MALRD1: variants seen among roughly 807,000 people sequenced by gnomAD.
The protein encoded by MALRD1 is MAM and LDL receptor class A domain containing 1.
A neutral mutation model predicts 242.1 loss-of-function variants in MALRD1; 247 were observed. The observed-to-expected ratio is 1.02, with a 90% CI of 0.92 to 1.13. The LOEUF is 1.13. Ranked by LOEUF, MALRD1 falls within the 50% of genes most tolerant of loss-of-function variation. The pLI, the probability that MALRD1 is intolerant of heterozygous loss-of-function variation, is 0.00. For synonymous variants in MALRD1, 995 were observed against 866.6 expected (o/e 1.15, Z -2.60); for missense variants, 2,989 against 2,533.1 (o/e 1.18, Z -3.86).
At chr10:19,354,570 A>G (rs1588956631) in intron 26 of MALRD1, among the ~76,000 whole-genome samples, 1 of 151,722 alleles carries the variant, frequency 6.6e-6, no homozygotes, top group Non-Finnish European at 1.5e-5. Context: ...TCTACTCTCT[A>G]CCTTTGTGGG....
intron 26 of MALRD1, among the ~76,000 whole-genome samples, chr10:19,370,614 G>T (rs1845331189): frequency 6.6e-6 from 1 of 152,044 alleles, no homozygotes; most frequent in Non-Finnish European, 1.5e-5. Context: ...CACTGGCTCT[G>T]TTGCCCAGGG....
At chr10:19,702,344 T>G (rs1048560901) in intron 38 of MALRD1, among the ~76,000 whole-genome samples, 5 of 152,206 alleles carry the variant, frequency 3.3e-5, no homozygotes, top group African/African-American at 1.2e-4. Context: ...ATTCATGCCC[T>G]CTGCCTGGCA....
At chr10:19,545,778 C>T (rs1033424387) in intron 32 of MALRD1, among the ~76,000 whole-genome samples, 17 of 152,314 alleles carry the variant, frequency 1.1e-4, no homozygotes, top group African/African-American at 3.8e-4. Context: ...TCCCCACCAA[C>T]CCCTCACGTA....
At chr10:19,110,103 ACT>A (rs1043606630) in intron 5 of MALRD1, among the ~76,000 whole-genome samples, 19 of 151,970 alleles carry the variant, frequency 1.3e-4, no homozygotes, top group African/African-American at 4.6e-4. Context: ...CCCCTGCAAC[ACT>A]CTGGTGCTTT....
chr10:19,167,366 C>CA (rs1834737176), intron 13 of MALRD1, among the ~76,000 whole-genome samples: 1 of 151,820 alleles, frequency 6.6e-6, no homozygotes, highest in South Asian at 2.1e-4. Flanking sequence ...CTTAAAAAAA[C>CA]AAAAACAAAA....
intron 38 of MALRD1, among the ~76,000 whole-genome samples, chr10:19,697,338 T>C (rs1353185247): frequency 2.0e-5 from 3 of 152,060 alleles, no homozygotes; most frequent in African/African-American, 4.8e-5. Flanking sequence ...ATCTCAGTCT[T>C]GAGGCAGAAC....
chr10:19,217,532 CTTTTTTT>C (rs34267262), intron 18 of MALRD1, among the ~76,000 whole-genome samples: 9 of 116,384 alleles, frequency 7.7e-5, no homozygotes, highest in Admixed American at 1.8e-4. Flanking sequence ...ATCATGCAGT[CTTTTTTT>C]TTTTTTTTTT....
intron 29 of MALRD1, among the ~76,000 whole-genome samples, chr10:19,466,941 A>C (rs1054135890): frequency 6.6e-6 from 1 of 152,016 alleles, no homozygotes; most frequent in Non-Finnish European, 1.5e-5. Context: ...AGCATTACCA[A>C]TTTTGGATTT....
chr10:19,345,768 T>A (rs1844090914), intron 24 of MALRD1, among the ~76,000 whole-genome samples: 2 of 151,750 alleles, frequency 1.3e-5, no homozygotes, highest in Non-Finnish European at 1.5e-5. Context: ...TAATCTTTTT[T>A]TTTTTAGTTC....
intron 18 of MALRD1, among the ~76,000 whole-genome samples, chr10:19,214,142 T>C (rs1259735853): frequency 6.6e-6 from 1 of 152,192 alleles, no homozygotes; most frequent in Non-Finnish European, 1.5e-5. Flanking sequence ...TCTCTTTCTG[T>C]GCAGCTCCTT....
In MALRD1 at chr10:19,160,034, T is replaced by C. The variant is rs528710926; in HGVS notation, c.1656+4862T>C. On this transcript the variant is annotated intron_variant, in intron 12 of 39. Coordinates refer to ENST00000454679, the MANE Select transcript of MALRD1 (RefSeq NM_001142308.3). ...TTTAACCACATGAAATTCTCTTGAA[T>C]GCAGTGATTCAAAGTCATGAATAGT... 2.6e-5 allele frequency among the ~76,000 whole-genome samples: 4 copies of C among 152,326 alleles called. No homozygotes were observed. In the South Asian group the frequency reaches 8.3e-4, roughly 32 times the overall value.
At chr10:19,216,359 G>T (rs1277570401) in intron 18 of MALRD1, among the ~76,000 whole-genome samples, 2 of 151,518 alleles carry the variant, frequency 1.3e-5, no homozygotes, top group African/African-American at 4.8e-5. Context: ...CTTGTGATCT[G>T]CCTGACTCGG....
At chr10:19,057,854 G>C (rs1834713163) in intron 1 of MALRD1, among the ~76,000 whole-genome samples, 1 of 152,110 alleles carries the variant, frequency 6.6e-6, no homozygotes, top group Non-Finnish European at 1.5e-5. Context: ...TTCATTATTA[G>C]GTATGATAGT....
rs1554793516 is a variant in MALRD1 at position 19,530,439 on chromosome 10, A to ATAAATAT, written c.5321-753_5321-752insAATATTA. Among the ~76,000 whole-genome samples the ATAAATAT allele has an allele frequency of 8.8e-5, 8 of 90,672 alleles. No homozygotes were observed. The East Asian group carries it at 1.1e-3, about 12-fold the overall frequency. The allele number at this position is 90,672 out of a possible 152,430, so 59.5% of individuals were successfully genotyped here. On this transcript the variant is annotated intron_variant, in intron 31 of 39. Transcript: ENST00000454679. ...TAATAATAAATATATAATATATATAATATATAATATATAATATATAATAAT... is the reference window on the plus strand; with the variant it reads ...TAATAATAAATATATAATATATATAATAAATATTATATAATATATAATATATAATAAT...
At chr10:19,060,365 A>G (rs1029461094) in intron 1 of MALRD1, among the ~76,000 whole-genome samples, 16 of 152,204 alleles carry the variant, frequency 1.1e-4, no homozygotes, top group African/African-American at 3.9e-4. Context: ...ATGCTGGCCT[A>G]GAAGTTGCTT....
chr10:19,539,897 T>TGTGTGTGTGTGTGC (rs1365113182), intron 32 of MALRD1, among the ~76,000 whole-genome samples: 12 of 44,426 alleles, frequency 2.7e-4, no homozygotes, highest in African/African-American at 7.4e-4. Context: ...TGTGTGTGTG[T>TGTGTGTGTGTGTGC]GCGCGCGCGC....
chr10:19,618,157 A>G (rs1460708738), intron 36 of MALRD1, among the ~76,000 whole-genome samples: 2 of 152,000 alleles, frequency 1.3e-5, no homozygotes, highest in African/African-American at 4.8e-5. Flanking sequence ...AAAGGACATG[A>G]ATCTAATTCT....
At chr10:19,415,110 A>C (rs1029318029) in intron 28 of MALRD1, among the ~76,000 whole-genome samples, 5 of 152,230 alleles carry the variant, frequency 3.3e-5, no homozygotes, top group African/African-American at 1.2e-4. Flanking sequence ...TATAGAAAAC[A>C]TCTTTTTTGT....
chr10:19,279,023 C>G (rs1345021274), intron 19 of MALRD1, among the ~76,000 whole-genome samples: 1 of 152,152 alleles, frequency 6.6e-6, no homozygotes, highest in Non-Finnish European at 1.5e-5. Context: ...CTGCACTCAC[C>G]AGACAATGGA....
Sources: allele counts gnomAD v4.1 joint callset (sites outside exome capture counted in the v4.1 genomes callset), GRCh38; gene constraint gnomAD v4.1.1; transcripts MANE v1.5; gene names NCBI Gene and HGNC (gene_info 2026-07-23, HGNC 2026-07-21).